The following ABCC11 variants were observed in gnomAD, a reference collection of about 807,000 sequenced individuals.
ABCC11 encodes the protein ATP binding cassette subfamily C member 11.
A neutral mutation model predicts 149.3 loss-of-function variants in ABCC11; 135 were observed. The observed-to-expected ratio is 0.90, with a 90% CI of 0.79 to 1.04. The LOEUF (loss-of-function observed/expected upper bound fraction) is 1.04. Ranked by LOEUF, ABCC11 falls within the 50% of genes least tolerant of loss-of-function variation. The probability of loss-of-function intolerance (pLI) is 0.00; values close to 1 mark genes in which losing one functional copy is unlikely to be tolerated. For synonymous variants in ABCC11, 665 were observed against 671.4 expected (o/e 0.99, Z 0.15); for missense variants, 1,680 against 1,722.1 (o/e 0.98, Z 0.43).
At chr16:48,222,062 G>A (rs1436156542) in intron 6 of ABCC11, among the ~76,000 whole-genome samples, 3 of 150,458 alleles carry the variant, frequency 2.0e-5, no homozygotes, top group Non-Finnish European at 4.4e-5. Context: ...CTACAGGCAT[G>A]TACCACCAAG....
At chr16:48,186,817 C>G in intron 22 of ABCC11, 136 bp downstream of exon 22, 2 of 1,122,860 alleles carry the variant, frequency 1.8e-6, no homozygotes, top group Non-Finnish European at 1.3e-6. Flanking sequence ...TCTGGAGGCT[C>G]AGAGAAATAC....
At chr16:48,233,616 T>C (rs1209185751) in intron 1 of ABCC11, among the ~76,000 whole-genome samples, 1 of 152,234 alleles carries the variant, frequency 6.6e-6, no homozygotes, top group Non-Finnish European at 1.5e-5. Context: ...TTCCCTAGAA[T>C]GAGGCCCTGT....
chr16:48,205,267 T>G lies in ABCC11; in HGVS notation c.1805+146A>C. 6 of 1,263,532 alleles carry G rather than the reference T, an allele frequency of 4.7e-6. No individual in the cohort carries two copies. In the East Asian group the frequency reaches 7.6e-5, roughly 16 times the overall value. The allele number at this position is 1,263,532 out of a possible 1,614,324, so 78.3% of individuals were successfully genotyped here. A position where few individuals can be genotyped will look rare whatever the true frequency, so the allele number is the denominator to read the frequency against. ...ATCTGGAAAATTGATATGATGGTATTTCTTTCACAGTGAGGGGTGAATATG... is the reference window on the plus strand; with the variant it reads ...ATCTGGAAAATTGATATGATGGTATGTCTTTCACAGTGAGGGGTGAATATG... On this transcript the variant is annotated intron_variant, in intron 13 of 29. Coordinates refer to ENST00000356608, the MANE Select transcript of ABCC11 (RefSeq NM_001370497.1).
At chr16:48,211,278 T>C (rs1316609074) in intron 10 of ABCC11, 79 bp from the exon 11 acceptor site, 1 of 1,515,580 alleles carries the variant, frequency 6.6e-7, no homozygotes, top group Non-Finnish European at 8.9e-7. Flanking sequence ...GTTTTACAAG[T>C]CTGCCAGTTG....
At chr16:48,170,832 C>A (rs1965670333) in intron 27 of ABCC11, 57 bp downstream of exon 27, 21 of 1,501,556 alleles carry the variant, frequency 1.4e-5, no homozygotes, top group Admixed American at 1.4e-4. Flanking sequence ...CCCAAAGGGG[C>A]AGCCCCCCAT....
At chr16:48,209,170 G>T (rs1257883179) in intron 11 of ABCC11, among the ~76,000 whole-genome samples, 1 of 152,196 alleles carries the variant, frequency 6.6e-6, no homozygotes, top group Non-Finnish European at 1.5e-5. Context: ...CCCAAGAGCT[G>T]TGAGAACACT....
intron 25 of ABCC11, among the ~76,000 whole-genome samples, chr16:48,176,221 G>T (rs1004179039): frequency 6.6e-6 from 1 of 152,196 alleles, no homozygotes; most frequent in African/African-American, 2.4e-5. Context: ...GACAGACCAG[G>T]CAGGCCCTCA....
At chr16:48,208,556 C>T (rs1430848476) in intron 11 of ABCC11, 60 bp from the exon 12 acceptor site, 1 of 1,580,340 alleles carries the variant, frequency 6.3e-7, no homozygotes, top group African/African-American at 1.3e-5. Context: ...TACCCACCTG[C>T]CCATGGCGGC....
chr16:48,177,191 C>T (rs1027346116), intron 24 of ABCC11, 78 bp from the exon 25 acceptor site: 54 of 1,459,940 alleles, frequency 3.7e-5, no homozygotes, highest in Non-Finnish European at 4.3e-5. Context: ...GCCAGCCTCC[C>T]GCTGTAGGGG....
Position 48,214,963 on chromosome 16 carries a change from G to C in ABCC11, c.1166C>G (p.Thr389Ser), listed in dbSNP as rs369153671. ...GGCCACTGTGGGGATGATGAACAAG[G>C]TTATACTTGTCAGGCTCTGGACAAG... The part of the protein sequence containing the change: ...CGLVQSLTSI[T>S]LFIIPTVATA... Residue 389 changes from threonine (T) to serine (S), a missense_variant, in exon 9 of 30, where the codon ACC (threonine) becomes AGC (serine). Thr to Ser is a moderately conservative substitution (Grantham distance 58). Transcript: ENST00000356608. The C allele has an allele frequency of 2.5e-6, 4 of 1,614,094 alleles. No homozygotes were observed. The highest frequency in any genetic ancestry group is 3.4e-6 in the Non-Finnish European group (4 of 1,179,996).
chr16:48,170,987 G>T lies in ABCC11; in HGVS notation c.3699-20C>A, dbSNP rs1965682028. The T allele has an allele frequency of 1.9e-6, 3 of 1,585,544 alleles. No homozygotes were observed. The highest frequency in any genetic ancestry group is 2.6e-6 in the Non-Finnish European group (3 of 1,154,228). On this transcript the variant is annotated intron_variant, in intron 26 of 29. Transcript: ENST00000356608. ...TTGAATCTACCATATGAGAGAAAGAGAAGTGTTCAACAACATCACCCAGGC... is the reference window on the plus strand; with the variant it reads ...TTGAATCTACCATATGAGAGAAAGATAAGTGTTCAACAACATCACCCAGGC...
At chr16:48,203,128 G>A in intron 14 of ABCC11, 100 bp downstream of exon 14, 4 of 1,293,948 alleles carry the variant, frequency 3.1e-6, no homozygotes, top group South Asian at 1.4e-5. Context: ...AACTGCTTTG[G>A]GAGGAAGAGC....
chr16:48,180,553 G>A (rs896776551), intron 23 of ABCC11, among the ~76,000 whole-genome samples: 4 of 152,198 alleles, frequency 2.6e-5, no homozygotes, highest in Admixed American at 1.3e-4. Context: ...CTCGCAGCCA[G>A]ATGCATCTCT....
chr16:48,196,358 T>G (rs1203176694), intron 17 of ABCC11, 37 bp from the exon 18 acceptor site: 14 of 1,588,424 alleles, frequency 8.8e-6, no homozygotes, highest in Non-Finnish European at 9.5e-6. Context: ...GTGGTATGCC[T>G]GCCAATCACA....
At chr16:48,232,268 C>G in intron 1 of ABCC11, 1 of 215,998 alleles carries the variant, frequency 4.6e-6, no homozygotes. Flanking sequence ...TGCTTTATCC[C>G]AGTCTTTAAC....
intron 1 of ABCC11, among the ~76,000 whole-genome samples, chr16:48,244,905 TC>T (rs2150951535): frequency 6.6e-6 from 1 of 152,272 alleles, no homozygotes; most frequent in East Asian, 1.9e-4. Context: ...TCTCCGCAAT[TC>T]CTCGCCCTCG....
intron 1 of ABCC11, among the ~76,000 whole-genome samples, chr16:48,232,552 T>C (rs900171846): frequency 6.6e-6 from 1 of 152,080 alleles, no homozygotes; most frequent in Non-Finnish European, 1.5e-5. Context: ...GGGTTCTTTT[T>C]TTAAAAAAAA....
At chr16:48,242,541 G>C (rs979850664) in intron 1 of ABCC11, among the ~76,000 whole-genome samples, 31 of 152,256 alleles carry the variant, frequency 2.0e-4, no homozygotes, top group African/African-American at 7.5e-4. Flanking sequence ...CCATCCCATT[G>C]CTGGGTATAT....
rs1965987520 is a variant in ABCC11 at position 48,175,397 on chromosome 16, C to T, written c.3559G>A (p.Ala1187Thr). 1 of 1,611,240 alleles carries T rather than the reference C, an allele frequency of 6.2e-7. No homozygotes were observed. The highest frequency in any genetic ancestry group is 1.1e-5 in the South Asian group (1 of 90,994). ...TGSGKSSLGM[A>T]LFRLVEPMAG... The stretch of plus-strand genomic sequence containing the variant: ...ATGGGCTCCACCAGGCGGAAGAGAG[C>T]CATGCCCAAGGAGGACTTCCCTGTG... Residue 1187 changes from alanine (A) to threonine (T), a missense_variant, in exon 26 of 30, where the codon GCT (alanine) becomes ACT (threonine). Transcript: ENST00000356608.
Sources: allele counts gnomAD v4.1 joint callset (sites outside exome capture counted in the v4.1 genomes callset), GRCh38; gene constraint gnomAD v4.1.1; transcripts MANE v1.5; gene names NCBI Gene and HGNC (gene_info 2026-07-23, HGNC 2026-07-21).